The following RNF115 variants were observed in gnomAD, a reference collection of about 807,000 sequenced individuals.
RNF115 encodes the protein ring finger protein 115, also known as E3 ubiquitin-protein ligase RNF115.
In RNF115, 31 loss-of-function variants were observed where a neutral mutation model predicts 39.2. The observed-to-expected ratio is 0.79, with a 90% CI of 0.59 to 1.07. The LOEUF (loss-of-function observed/expected upper bound fraction) is 1.07, where lower values mean the gene tolerates loss of function less well. Ranked by LOEUF, RNF115 falls within the 50% of genes least tolerant of loss-of-function variation. The pLI is 0.00. For synonymous variants in RNF115, 124 were observed against 131.0 expected (o/e 0.95, Z 0.37); for missense variants, 384 against 381.7 (o/e 1.01, Z -0.05).
chr1:145,750,526 C>A, intron 6 of RNF115, 26 bp from the exon 7 acceptor site: 2 of 1,578,652 alleles, frequency 1.3e-6, no homozygotes, highest in Non-Finnish European at 1.7e-6. Context: ...AAGAAAAAGA[C>A]GAAGTGGCAG....
At chr1:145,768,611 G>T (rs1272551010) in intron 4 of RNF115, among the ~76,000 whole-genome samples, 5 of 152,102 alleles carry the variant, frequency 3.3e-5, no homozygotes, top group Non-Finnish European at 7.4e-5. Flanking sequence ...ACCGCACCCG[G>T]CCATTAAATA....
chr1:145,807,137 CCT>C (rs879981023), intron 1 of RNF115, among the ~76,000 whole-genome samples: 32 of 152,114 alleles, frequency 2.1e-4, no homozygotes, highest in Non-Finnish European at 5.9e-5. Flanking sequence ...TAATCTAGTG[CCT>C]GTTATTTTAA....
At chr1:145,766,448 C>T (rs1488842311) in intron 4 of RNF115, among the ~76,000 whole-genome samples, 1 of 152,154 alleles carries the variant, frequency 6.6e-6, no homozygotes, top group East Asian at 1.9e-4. Context: ...CTCACCTTTC[C>T]CCGCTTTCTA....
intron 3 of RNF115, among the ~76,000 whole-genome samples, chr1:145,775,501 T>A (rs1161672683): frequency 1.3e-5 from 2 of 150,336 alleles, no homozygotes; most frequent in African/African-American, 2.4e-5. Context: ...GCTCAAGTGA[T>A]CCTCCCACCT....
chr1:145,823,782 G>C lies in RNF115; in HGVS notation c.92C>G (p.Pro31Arg). The part of the protein sequence containing the change: ...FCHFCKGEVS[P>R]KLPEYICPRC... ...ACACAGCGCTCTTACCGGTAGTTTG[G>C]GGCTGACCTCGCCCTTGCAAAAGTG... Residue 31 changes from proline (P) to arginine (R), a missense_variant, in exon 1 of 9, where the codon CCC becomes CGC. Pro to Arg is a moderately radical substitution (Grantham distance 103). Coordinates refer to ENST00000582693, the MANE Select transcript of RNF115 (RefSeq NM_014455.4). 3.8e-6 allele frequency: 6 copies of C among 1,579,846 alleles called. No individual in the cohort carries two copies. The highest frequency in any genetic ancestry group is 5.1e-6 in the Non-Finnish European group (6 of 1,166,290).
At chr1:145,767,331 T>C (rs4317764) in intron 4 of RNF115, among the ~76,000 whole-genome samples, 79,178 of 146,146 alleles carry the variant, frequency 0.54, 22,620 homozygotes, top group African/African-American at 0.74. Flanking sequence ...TCCTCACTTC[T>C]CAGACGGGGC....
chr1:145,809,181 G>T (rs1421840294), intron 1 of RNF115, among the ~76,000 whole-genome samples: 4 of 108,658 alleles, frequency 3.7e-5, no homozygotes, highest in East Asian at 2.9e-4. Context: ...TTGTTTTCAA[G>T]GATTTTTTTT....
intron 5 of RNF115, 41 bp downstream of exon 5, chr1:145,752,937 T>G (rs781812228): frequency 1.5e-6 from 2 of 1,375,434 alleles, no homozygotes; most frequent in East Asian, 4.6e-5. Context: ...CTAAAATATG[T>G]CACTCCAATA....
intron 1 of RNF115, among the ~76,000 whole-genome samples, chr1:145,799,821 T>C (rs1012172050): frequency 6.6e-5 from 10 of 152,046 alleles, no homozygotes; most frequent in Admixed American, 5.2e-4. Context: ...CTCAAACTCC[T>C]GGACTCAAGT....
chr1:145,804,045 A>C (rs1177099877), intron 1 of RNF115, among the ~76,000 whole-genome samples: 1 of 152,260 alleles, frequency 6.6e-6, no homozygotes, highest in Non-Finnish European at 1.5e-5. Context: ...CAAAAAGTAT[A>C]GATGTTTAGC....
chr1:145,782,052 A>G (rs1430979888), intron 3 of RNF115, among the ~76,000 whole-genome samples: 22 of 151,728 alleles, frequency 1.4e-4, no homozygotes, highest in Admixed American at 1.4e-3. Context: ...ACAGGCGCCC[A>G]CCACCATGCC....
chr1:145,761,533 A>G (rs1658504177), intron 4 of RNF115, among the ~76,000 whole-genome samples: 1 of 152,238 alleles, frequency 6.6e-6, no homozygotes, highest in African/African-American at 2.4e-5. Context: ...GGCAGCGTCC[A>G]TGTGGTGCTG....
At chr1:145,796,458 CCTCT>C (rs1553720071) in intron 1 of RNF115, among the ~76,000 whole-genome samples, 1 of 151,428 alleles carries the variant, frequency 6.6e-6, no homozygotes, top group African/African-American at 2.4e-5. Flanking sequence ...ACAGGGTCTC[CCTCT>C]GTCACCCAAG....
chr1:145,785,092 C>G (rs1329661997), intron 2 of RNF115, among the ~76,000 whole-genome samples: 1 of 152,126 alleles, frequency 6.6e-6, no homozygotes, highest in Non-Finnish European at 1.5e-5. Context: ...TCCCCCTACC[C>G]ACCTTTCAGG....
In RNF115 at chr1:145,823,749, T is replaced by C. The variant is rs200624215; in HGVS notation, c.102+23A>G. The C allele has an allele frequency of 9.3e-3, 14,058 of 1,506,556 alleles. 83 individuals are homozygous for C. The highest frequency in any genetic ancestry group is 0.011 in the Non-Finnish European group (12,292 of 1,111,238). The allele number at this position is 1,506,556 out of a possible 1,614,324, so 93.3% of individuals were successfully genotyped here. A position where few individuals can be genotyped will look rare whatever the true frequency, so the allele number is the denominator to read the frequency against. On this transcript the variant is annotated intron_variant, in intron 1 of 8. Coordinates refer to ENST00000582693, the MANE Select transcript of RNF115 (RefSeq NM_014455.4). ...GCCAGGAATCTATGAGGTTCCCAAG[T>C]ATAGAGAACACAGCGCTCTTACCGG...
At chr1:145,811,932 T>TATATAC (rs1465945929) in intron 1 of RNF115, among the ~76,000 whole-genome samples, 1,230 of 72,710 alleles carry the variant, frequency 0.017, 60 homozygotes, top group Non-Finnish European at 0.027. Flanking sequence ...TATATATATA[T>TATATAC]ACACACACAC....
At chr1:145,760,914 A>T (rs35687015) in intron 4 of RNF115, among the ~76,000 whole-genome samples, 42,791 of 152,128 alleles carry the variant, frequency 0.28, 7,070 homozygotes, top group Non-Finnish European at 0.37. Context: ...AAATGCTAAT[A>T]GTGATATGGA....
intron 4 of RNF115, among the ~76,000 whole-genome samples, chr1:145,763,046 A>T (rs587616070): frequency 6.6e-6 from 1 of 152,300 alleles, no homozygotes; most frequent in South Asian, 2.1e-4. Flanking sequence ...GAAACTACCT[A>T]TAGGTACTAT....
chr1:145,769,726 G>A (rs1388186704), intron 4 of RNF115, among the ~76,000 whole-genome samples: 2 of 132,190 alleles, frequency 1.5e-5, no homozygotes, highest in African/African-American at 2.9e-5. Context: ...TTGATAAAGA[G>A]ACTCATCCTC....
Sources: gnomAD v4.1 joint callset for allele counts (sites outside exome capture counted in the v4.1 genomes callset) on GRCh38, gnomAD v4.1.1 for gene constraint, MANE v1.5 for transcripts, NCBI Gene and HGNC (gene_info 2026-07-23, HGNC 2026-07-21) for gene names.